NBAS: variants seen among roughly 807,000 people sequenced by gnomAD.
The protein encoded by NBAS is NBAS subunit of NRZ tethering complex.
A neutral mutation model predicts 302.5 loss-of-function variants in NBAS; 219 were observed. That is an observed-to-expected ratio of 0.72 (90% confidence interval 0.65 to 0.81). The LOEUF (loss-of-function observed/expected upper bound fraction) is 0.81. NBAS is among the 30% of genes least tolerant of loss of function. The pLI is 0.00. For missense variants in NBAS, 2,932 were observed against 2,841.6 expected, an observed-to-expected ratio of 1.03 and a Z score of -0.72; for synonymous variants, 1,118 against 1,021.6, an observed-to-expected ratio of 1.09 and a Z score of -1.80.
intron 35 of NBAS, among the ~76,000 whole-genome samples, chr2:15,336,092 CA>C (rs112260741): frequency 0.11 from 11,482 of 105,462 alleles, 1,158 homozygotes; most frequent in African/African-American, 0.3. Flanking sequence ...ATCCTCATTT[CA>C]AAAAAAAAAA....
intron 32 of NBAS, among the ~76,000 whole-genome samples, chr2:15,365,146 C>T (rs962756398): frequency 6.6e-6 from 1 of 152,206 alleles, no homozygotes; most frequent in African/African-American, 2.4e-5. Context: ...CTATGTGTAA[C>T]AGAACTTTGT....
At chr2:14,994,833 C>G in the NBAS span, among the ~76,000 whole-genome samples, 1 of 152,204 alleles carries the variant, frequency 6.6e-6, no homozygotes, top group Non-Finnish European at 1.5e-5. Context: ...TCAGAAAAGC[C>G]TAGCATCACT....
chr2:15,128,704 C>A, the NBAS span, among the ~76,000 whole-genome samples: 4 of 151,924 alleles, frequency 2.6e-5, no homozygotes, highest in African/African-American at 9.7e-5. Context: ...AGGCCTAGGG[C>A]GAATGGGAAA....
At chr2:15,040,676 C>T in the NBAS span, among the ~76,000 whole-genome samples, 1 of 152,196 alleles carries the variant, frequency 6.6e-6, no homozygotes, top group Non-Finnish European at 1.5e-5. Context: ...TTCTTGAAAC[C>T]CACTGCTCAT....
chr2:15,070,008 G>A, the NBAS span, among the ~76,000 whole-genome samples: 256 of 152,160 alleles, frequency 1.7e-3, 1 homozygote, highest in Middle Eastern at 0.017. Flanking sequence ...CCCCCACCAT[G>A]AGAATGTCAG....
At chr2:14,976,389 T>G in the NBAS span, among the ~76,000 whole-genome samples, 1 of 152,180 alleles carries the variant, frequency 6.6e-6, no homozygotes, top group Non-Finnish European at 1.5e-5. Flanking sequence ...CTTCGTCTAT[T>G]AAGTTGTGCA....
intron 13 of NBAS, among the ~76,000 whole-genome samples, chr2:15,477,911 G>A (rs749983067): frequency 2.6e-5 from 4 of 152,072 alleles, no homozygotes; most frequent in South Asian, 2.1e-4. Context: ...CCCCCAACCC[G>A]CGAGATAACT....
intron 40 of NBAS, among the ~76,000 whole-genome samples, chr2:15,298,726 G>T (rs918018663): frequency 6.6e-6 from 1 of 152,052 alleles, no homozygotes; most frequent in African/African-American, 2.4e-5. Flanking sequence ...TTCCAACACT[G>T]CATTTCATAC....
the NBAS span, among the ~76,000 whole-genome samples, chr2:15,071,151 G>A: frequency 6.6e-6 from 1 of 152,150 alleles, no homozygotes; most frequent in Non-Finnish European, 1.5e-5. Context: ...CCAACCCAGG[G>A]AAACAAGAGA....
intron 23 of NBAS, among the ~76,000 whole-genome samples, chr2:15,420,181 C>A (rs1677144411): frequency 1.3e-5 from 2 of 152,178 alleles, no homozygotes; most frequent in South Asian, 4.1e-4. Context: ...GAGAAGAGTA[C>A]AATGAATGGT....
chr2:15,480,259 T>A (rs113942186), intron 12 of NBAS, among the ~76,000 whole-genome samples: 7 of 151,940 alleles, frequency 4.6e-5, no homozygotes, highest in Admixed American at 4.6e-4. Flanking sequence ...GAGGATCAAC[T>A]GAGCTCAGGA....
chr2:15,009,399 TA>T, the NBAS span, among the ~76,000 whole-genome samples: 749 of 145,274 alleles, frequency 5.2e-3, 8 homozygotes, highest in African/African-American at 0.017. Context: ...TAAAGGCTGA[TA>T]AAAAAAAAAG....
intron 9 of NBAS, among the ~76,000 whole-genome samples, chr2:15,527,996 C>T (rs1399621194): frequency 6.6e-6 from 1 of 152,082 alleles, no homozygotes. Flanking sequence ...CCTCTTACCA[C>T]TCCCAATTAA....
At chr2:15,043,482 G>A in the NBAS span, among the ~76,000 whole-genome samples, 1 of 152,094 alleles carries the variant, frequency 6.6e-6, no homozygotes, top group African/African-American at 2.4e-5. Flanking sequence ...GCAAGCTAAG[G>A]TCCAACCATC....
At chr2:14,856,496 C>T in the NBAS span, among the ~76,000 whole-genome samples, 5 of 152,038 alleles carry the variant, frequency 3.3e-5, no homozygotes, top group Non-Finnish European at 7.4e-5. Flanking sequence ...AGACATGCAA[C>T]TTTTCAAACA....
chr2:15,160,225 A>C, the NBAS span, among the ~76,000 whole-genome samples: 1 of 152,122 alleles, frequency 6.6e-6, no homozygotes, highest in Non-Finnish European at 1.5e-5. Context: ...GAGACCAGGT[A>C]GAAAATGCCA....
intron 30 of NBAS, among the ~76,000 whole-genome samples, chr2:15,376,803 A>C (rs572817548): frequency 5.9e-5 from 9 of 152,196 alleles, no homozygotes; most frequent in African/African-American, 2.2e-4. Flanking sequence ...TACATTCAAC[A>C]TAACTGTAAA....
chr2:14,952,168 C>T, the NBAS span, among the ~76,000 whole-genome samples: 1 of 152,132 alleles, frequency 6.6e-6, no homozygotes, highest in Admixed American at 6.5e-5. Context: ...GAAGCTGGTG[C>T]CCCAGTAGCA....
the NBAS span, among the ~76,000 whole-genome samples, chr2:15,006,834 A>G: frequency 6.6e-6 from 1 of 152,220 alleles, no homozygotes; most frequent in Non-Finnish European, 1.5e-5. Flanking sequence ...AGGTTCATAC[A>G]TGCTAGCTTG....
Sources: allele counts gnomAD v4.1 joint callset (sites outside exome capture counted in the v4.1 genomes callset), GRCh38; gene constraint gnomAD v4.1.1; transcripts MANE v1.5; gene names NCBI Gene and HGNC (gene_info 2026-07-23, HGNC 2026-07-21).